ERC2: variants seen among roughly 807,000 people sequenced by gnomAD.
ERC2 encodes the protein ERC protein 2.
ERC2 carries 42 observed loss-of-function variants against 114.8 expected under a neutral mutation model. The ratio of observed to expected loss-of-function variants is 0.37; its 90% CI spans 0.29 to 0.47. The LOEUF (loss-of-function observed/expected upper bound fraction) is 0.47, where lower values mean the gene tolerates loss of function less well. Ranked by LOEUF, ERC2 falls within the 20% of genes least tolerant of loss-of-function variation. The pLI is 0.99. For synonymous variants in ERC2, 454 were observed against 425.5 expected, an observed-to-expected ratio of 1.07 and a Z score of -0.82; for missense variants, 939 against 1,150.7, an observed-to-expected ratio of 0.82 and a Z score of 2.66.
chr3:56,229,191 G>C (rs2050446724), intron 3 of ERC2, among the ~76,000 whole-genome samples: 2 of 152,180 alleles, frequency 1.3e-5, no homozygotes, highest in Admixed American at 6.5e-5. Context: ...GCCTTTTAAG[G>C]GCTTGCACAC....
At chr3:55,601,791 C>T (rs2058418761) in intron 17 of ERC2, among the ~76,000 whole-genome samples, 1 of 152,220 alleles carries the variant, frequency 6.6e-6, no homozygotes, top group African/African-American at 2.4e-5. Context: ...CACACCACTG[C>T]ACTCTAGACT....
chr3:55,788,583 A>T (rs907138652), intron 14 of ERC2, among the ~76,000 whole-genome samples: 1 of 152,144 alleles, frequency 6.6e-6, no homozygotes, highest in Non-Finnish European at 1.5e-5. Context: ...AGAGGCAGCA[A>T]TGGCCTAGGA....
At chr3:55,710,370 G>A (rs2063717239) in intron 15 of ERC2, among the ~76,000 whole-genome samples, 2 of 152,072 alleles carry the variant, frequency 1.3e-5, no homozygotes, top group Non-Finnish European at 2.9e-5. Flanking sequence ...CCAAAGAAGA[G>A]GCAAAGTGGA....
chr3:55,829,321 C>T (rs77379415), intron 14 of ERC2, among the ~76,000 whole-genome samples: 3,612 of 151,996 alleles, frequency 0.024, 79 homozygotes, highest in South Asian at 0.086. Flanking sequence ...ATGGAAAGAT[C>T]GATCTCAGAA....
intron 3 of ERC2, among the ~76,000 whole-genome samples, chr3:56,227,122 CCTTTGCA>C (rs1450489180): frequency 6.6e-6 from 1 of 152,122 alleles, no homozygotes; most frequent in Non-Finnish European, 1.5e-5. Flanking sequence ...CATAACCACT[CCTTTGCA>C]AATACCCTCA....
At chr3:56,170,030 A>G (rs2150013633) in intron 4 of ERC2, among the ~76,000 whole-genome samples, 1 of 152,352 alleles carries the variant, frequency 6.6e-6, no homozygotes, top group East Asian at 1.9e-4. Flanking sequence ...AAGAATCTTT[A>G]GACACAAAAG....
At chr3:56,379,741 C>T (rs1222244423) in intron 2 of ERC2, among the ~76,000 whole-genome samples, 1 of 151,952 alleles carries the variant, frequency 6.6e-6, no homozygotes, top group Non-Finnish European at 1.5e-5. Flanking sequence ...TGAAAGCCTG[C>T]GACAGAAATC....
At chr3:55,771,803 G>T (rs2068224856) in intron 14 of ERC2, among the ~76,000 whole-genome samples, 1 of 152,226 alleles carries the variant, frequency 6.6e-6, no homozygotes, top group South Asian at 2.1e-4. Flanking sequence ...GCCTGAGGAG[G>T]CAGGCTCTCC....
intron 17 of ERC2, among the ~76,000 whole-genome samples, chr3:55,604,208 G>C (rs1420617149): frequency 3.3e-5 from 5 of 152,074 alleles, no homozygotes; most frequent in African/African-American, 4.8e-5. Context: ...CCAGATCTGT[G>C]TGAAGTCAGT....
intron 14 of ERC2, among the ~76,000 whole-genome samples, chr3:55,817,024 C>T (rs1405439164): frequency 6.6e-6 from 1 of 152,180 alleles, no homozygotes; most frequent in Non-Finnish European, 1.5e-5. Context: ...CCACTGAGCA[C>T]ACGATGCTTC....
chr3:56,064,153 G>A (rs17056403), intron 7 of ERC2, among the ~76,000 whole-genome samples: 7,959 of 152,198 alleles, frequency 0.052, 316 homozygotes, highest in South Asian at 0.19. Flanking sequence ...CTGGTCAAAT[G>A]CCCCATGTTT....
At chr3:55,995,329 C>T (rs955545073) in intron 10 of ERC2, among the ~76,000 whole-genome samples, 1 of 150,894 alleles carries the variant, frequency 6.6e-6, no homozygotes, top group African/African-American at 2.4e-5. Context: ...GATACTCCAT[C>T]TCAATCAATC....
At chr3:56,279,613 A>G (rs2054219439) in intron 3 of ERC2, among the ~76,000 whole-genome samples, 1 of 152,208 alleles carries the variant, frequency 6.6e-6, no homozygotes, top group Admixed American at 6.5e-5. Context: ...GATAAGGTGG[A>G]AAAATGTAGG....
chr3:56,039,693 A>G (rs907491455), intron 7 of ERC2, among the ~76,000 whole-genome samples: 6 of 152,200 alleles, frequency 3.9e-5, no homozygotes, highest in Non-Finnish European at 7.3e-5. Context: ...AGCTAAAGCA[A>G]TCTTCAGCAA....
At chr3:55,877,175 T>C (rs1412953330) in intron 14 of ERC2, among the ~76,000 whole-genome samples, 1 of 152,220 alleles carries the variant, frequency 6.6e-6, no homozygotes. Context: ...GCCTTATGTG[T>C]CATAGGATAT....
intron 17 of ERC2, among the ~76,000 whole-genome samples, chr3:55,675,272 G>C (rs1277750437): frequency 6.6e-6 from 1 of 152,190 alleles, no homozygotes; most frequent in Non-Finnish European, 1.5e-5. Context: ...ATGTTCATGG[G>C]GAAGCCACAA....
intron 2 of ERC2, among the ~76,000 whole-genome samples, chr3:56,326,779 C>A (rs1281694049): frequency 3.3e-5 from 5 of 152,172 alleles, no homozygotes; most frequent in Non-Finnish European, 7.4e-5. Flanking sequence ...CAGGGAGCAG[C>A]AGGCTAGAGG....
At chr3:56,222,756 C>A (rs921132232) in intron 3 of ERC2, among the ~76,000 whole-genome samples, 4 of 152,152 alleles carry the variant, frequency 2.6e-5, no homozygotes, top group Non-Finnish European at 4.4e-5. Flanking sequence ...GCTATACAAC[C>A]GCTATAGCTA....
At chr3:56,324,417 T>C (rs1351747317) in intron 2 of ERC2, among the ~76,000 whole-genome samples, 1 of 152,136 alleles carries the variant, frequency 6.6e-6, no homozygotes, top group Non-Finnish European at 1.5e-5. Context: ...AAGTAAAAAA[T>C]GCATCTAATA....
Sources: allele counts gnomAD v4.1 joint callset (sites outside exome capture counted in the v4.1 genomes callset), GRCh38; gene constraint gnomAD v4.1.1; transcripts MANE v1.5; gene names NCBI Gene and HGNC (gene_info 2026-07-23, HGNC 2026-07-21).